Variants in CPA6 observed in about 807,000 individuals in gnomAD.
The protein encoded by CPA6 is carboxypeptidase A6, also known as carboxypeptidase B.
CPA6 carries 58 observed loss-of-function variants against 63.3 expected under a neutral mutation model. The ratio of observed to expected loss-of-function variants is 0.92; its 90% confidence interval spans 0.74 to 1.14. CPA6 has a LOEUF of 1.14. CPA6 is among the 50% of genes most tolerant of loss of function. The probability of loss-of-function intolerance (pLI) is 0.00; values close to 1 mark genes in which losing one functional copy is unlikely to be tolerated. For missense variants in CPA6, 565 were observed against 526.6 expected (o/e 1.07, Z -0.71); for synonymous variants, 185 against 179.0 (o/e 1.03, Z -0.27).
chr8:67,476,666 G>C (rs137855638), intron 8 of CPA6, among the ~76,000 whole-genome samples: 8 of 151,294 alleles, frequency 5.3e-5, no homozygotes, highest in African/African-American at 1.5e-4. Flanking sequence ...TCAACCAAAT[G>C]AGTAAAAGTA....
chr8:67,449,731 C>T (rs1404847085), intron 8 of CPA6, among the ~76,000 whole-genome samples: 3 of 151,922 alleles, frequency 2.0e-5, no homozygotes, highest in Non-Finnish European at 4.4e-5. Flanking sequence ...CATCAATGTT[C>T]CTCTCATGTT....
chr8:67,595,327 A>T (rs998605987), intron 2 of CPA6, among the ~76,000 whole-genome samples: 4 of 152,200 alleles, frequency 2.6e-5, no homozygotes, highest in African/African-American at 9.6e-5. Context: ...CTCGGGGGTC[A>T]GGGGTCAGGG....
At chr8:67,619,492 T>C (rs1815031575) in intron 2 of CPA6, among the ~76,000 whole-genome samples, 1 of 152,182 alleles carries the variant, frequency 6.6e-6, no homozygotes, top group Non-Finnish European at 1.5e-5. Context: ...AGAATTATAG[T>C]TGGGCATTGA....
chr8:67,552,798 A>G (rs1376160894), intron 2 of CPA6, among the ~76,000 whole-genome samples: 2 of 149,426 alleles, frequency 1.3e-5, no homozygotes, highest in East Asian at 1.9e-4. Context: ...AAAAAAAAAA[A>G]AAAGAAAAGA....
At chr8:67,453,554 G>A (rs901590388) in intron 8 of CPA6, among the ~76,000 whole-genome samples, 1 of 152,056 alleles carries the variant, frequency 6.6e-6, no homozygotes, top group Non-Finnish European at 1.5e-5. Context: ...GGGGTCATAG[G>A]CACACAGTAG....
chr8:67,590,554 G>T (rs1158902074), intron 2 of CPA6, among the ~76,000 whole-genome samples: 2 of 151,758 alleles, frequency 1.3e-5, no homozygotes, highest in African/African-American at 4.8e-5. Context: ...AGCACCTGTT[G>T]TTTCCTGACT....
chr8:67,691,669 A>T lies in CPA6; in HGVS notation c.116+54345T>A, dbSNP rs1375741022. Among the ~76,000 whole-genome samples the T allele has an allele frequency of 2.0e-5, 3 of 152,240 alleles. No individual in the cohort carries two copies. The South Asian group carries it at 6.2e-4, about 32-fold the overall frequency. On this transcript the variant is annotated intron_variant, in intron 1 of 10. Transcript: ENST00000297770. ...TTGATTTGTGATATTTAAATTCAAG[A>T]TGTAAATATCTCTGTAAAATACCTT...
At chr8:67,737,771 C>A (rs1387530218) in intron 1 of CPA6, among the ~76,000 whole-genome samples, 1 of 152,200 alleles carries the variant, frequency 6.6e-6, no homozygotes, top group East Asian at 1.9e-4. Context: ...TACTTCATCC[C>A]CAATGACTCT....
At chr8:67,592,702 T>G (rs1814167813) in intron 2 of CPA6, among the ~76,000 whole-genome samples, 2 of 152,176 alleles carry the variant, frequency 1.3e-5, no homozygotes. Flanking sequence ...TCTCTGATGG[T>G]AGTTTGTATT....
intron 6 of CPA6, among the ~76,000 whole-genome samples, chr8:67,487,102 C>T (rs570309411): frequency 4.6e-5 from 7 of 152,146 alleles, no homozygotes; most frequent in Admixed American, 2.0e-4. Context: ...ATGGGCACAA[C>T]GTGCAGGTTT....
chr8:67,571,833 A>G (rs937770184), intron 2 of CPA6, among the ~76,000 whole-genome samples: 2 of 152,158 alleles, frequency 1.3e-5, no homozygotes, highest in Non-Finnish European at 2.9e-5. Context: ...AGTAAAGAGT[A>G]AAGATCAGGA....
chr8:67,551,285 G>A (rs1473077916), intron 2 of CPA6, among the ~76,000 whole-genome samples: 3 of 152,108 alleles, frequency 2.0e-5, no homozygotes, highest in Non-Finnish European at 4.4e-5. Flanking sequence ...ATTGAATAGG[G>A]AGTCCTTTCT....
In CPA6 at chr8:67,746,175, A is replaced by G. The variant is rs1563418833; in HGVS notation, c.-46T>C. ...TGAAAGTTACTTAAGCAGCCACCCG[A>G]GGCTGGAGGTGGCTCACAGCACCCT... On this transcript the variant is annotated 5_prime_UTR_variant, in exon 1 of 11. Coordinates refer to ENST00000297770, the MANE Select transcript of CPA6 (RefSeq NM_020361.5). 6.8e-7 allele frequency: 1 copy of G among 1,466,914 alleles called. No homozygotes were observed. Among genetic ancestry groups the G allele is most frequent in the South Asian group, 1.2e-5 (1 of 82,002 alleles). The allele number at this position is 1,466,914 out of a possible 1,614,324, so 90.9% of individuals were successfully genotyped here. A position where few individuals can be genotyped will look rare whatever the true frequency, so the allele number is the denominator to read the frequency against.
rs745885586 is a variant in CPA6, at chr8:67,511,700, T to C, written c.318-45A>G. Reference sequence around the variant, plus strand: ...CATGATGAAAAGTAAATTGAGATATTGCAAAAATCAGGCAACACCCAGAAA... The same window carrying C: ...CATGATGAAAAGTAAATTGAGATATCGCAAAAATCAGGCAACACCCAGAAA... On this transcript the variant is annotated intron_variant, in intron 3 of 10. Coordinates refer to ENST00000297770, the MANE Select transcript of CPA6 (RefSeq NM_020361.5). The C allele has an allele frequency of 7.7e-6, 9 of 1,161,984 alleles. No homozygotes were observed. The East Asian group carries it at 2.1e-4, about 27-fold the overall frequency. 72.0% of individuals were successfully genotyped at this position (1,161,984 alleles called of 1,614,324 possible).
intron 2 of CPA6, among the ~76,000 whole-genome samples, chr8:67,527,443 G>A (rs1235108605): frequency 5.9e-5 from 9 of 152,180 alleles, no homozygotes; most frequent in Non-Finnish European, 1.5e-5. Flanking sequence ...GGAAATGAAA[G>A]ACATAGTTTC....
At position 67,469,341 on chromosome 8, in the gene CPA6, C is replaced by T. The variant is rs574502622; in HGVS notation, c.838+14427G>A. Among the ~76,000 whole-genome samples, 4 of 152,282 alleles carry T rather than the reference C, an allele frequency of 2.6e-5. No individual in the cohort carries two copies. The South Asian group carries it at 8.3e-4, about 32-fold the overall frequency. ...CAAAAAGAGGCTGGGCATGGTTGCT[C>T]ACACCTGTAATCCCAGCACTGTGGG... is the stretch of plus-strand genomic sequence containing the variant. On this transcript the variant is annotated intron_variant, in intron 8 of 10. Coordinates refer to ENST00000297770, the MANE Select transcript of CPA6 (RefSeq NM_020361.5).
intron 2 of CPA6, among the ~76,000 whole-genome samples, chr8:67,573,377 A>G (rs1347667445): frequency 6.6e-6 from 1 of 152,222 alleles, no homozygotes; most frequent in African/African-American, 2.4e-5. Context: ...AAAATCCTAT[A>G]GATTCCACCA....
At chr8:67,614,596 G>A (rs1434199804) in intron 2 of CPA6, among the ~76,000 whole-genome samples, 1 of 152,128 alleles carries the variant, frequency 6.6e-6, no homozygotes, top group African/African-American at 2.4e-5. Context: ...AGTCATTAAC[G>A]TATCATTATA....
chr8:67,551,793 T>C (rs1812944418), intron 2 of CPA6, among the ~76,000 whole-genome samples: 1 of 152,180 alleles, frequency 6.6e-6, no homozygotes, highest in Non-Finnish European at 1.5e-5. Flanking sequence ...CTATTGGAAA[T>C]GGGATTGCAT....
Sources: gnomAD v4.1 joint callset for allele counts (sites outside exome capture counted in the v4.1 genomes callset) on GRCh38, gnomAD v4.1.1 for gene constraint, MANE v1.5 for transcripts, NCBI Gene and HGNC (gene_info 2026-07-23, HGNC 2026-07-21) for gene names.